The following PCDHGA8 variants were observed in gnomAD, a reference collection of about 807,000 sequenced individuals.
PCDHGA8 encodes protocadherin gamma-A8.
PCDHGA8 carries 45 observed loss-of-function variants against 59.2 expected under a neutral mutation model. That is an observed-to-expected ratio of 0.76 (90% CI 0.60 to 0.98). The LOEUF is 0.98. Among genes scored for constraint, PCDHGA8 ranks in the 50% least tolerant of loss-of-function variants. The pLI, the probability that PCDHGA8 is intolerant of heterozygous loss-of-function variation, is 0.00. For synonymous variants in PCDHGA8, 531 were observed against 519.0 expected (o/e 1.02, Z -0.32); for missense variants, 1,257 against 1,196.2 (o/e 1.05, Z -0.75).
At chr5:141,438,589 TAC>T (rs72335471) in intron 1 of PCDHGA8, among the ~76,000 whole-genome samples, 19,881 of 66,350 alleles carry the variant, frequency 0.3, 2,903 homozygotes, top group Admixed American at 0.41. Context: ...CATACATACA[TAC>T]ATATATATAT....
chr5:141,454,796 A>ATTTTTTTTTTTTTTTTTTTTTTTTTTTT (rs61612330), intron 1 of PCDHGA8, among the ~76,000 whole-genome samples: 3 of 77,456 alleles, frequency 3.9e-5, no homozygotes, highest in Admixed American at 1.8e-4. Flanking sequence ...CATGGTTCTA[A>ATTTTTTTTTTTTTTTTTTTTTTTTTTTT]TTTTTTTTTT....
In PCDHGA8 at chr5:141,461,039, C is replaced by T. The variant is rs1026091108; in HGVS notation, c.2425-33768C>T. On this transcript the variant is annotated intron_variant, in intron 1 of 3. Coordinates refer to ENST00000398604, the MANE Select transcript of PCDHGA8 (RefSeq NM_032088.2). ...ACATTTTCTTTATCCACTCATTAGT[C>T]GATGGGGACTTAGGTTGGTTTCACA... is the stretch of plus-strand genomic sequence containing the variant. 2.7e-5 allele frequency among the ~76,000 whole-genome samples: 4 copies of T among 150,906 alleles called. No homozygotes were observed. In the East Asian group the frequency reaches 7.8e-4, roughly 29 times the overall value.
At chr5:141,402,353 GA>G (rs1261209598) in intron 1 of PCDHGA8, among the ~76,000 whole-genome samples, 2 of 151,844 alleles carry the variant, frequency 1.3e-5, no homozygotes, top group Non-Finnish European at 2.9e-5. Context: ...AATTAAAAAT[GA>G]ATGTACTTCC....
In PCDHGA8 at chr5:141,487,258, G is replaced by T. The variant is rs368598017; in HGVS notation, c.2425-7549G>T. On this transcript the variant is annotated intron_variant, in intron 1 of 3. Transcript: ENST00000398604. The surrounding 1 kb of genome is among the most constrained non-coding windows in gnomAD (Gnocchi z 5.0). ...CTCGTCTAACCCTCTACTTGGCTGT[G>T]TCCCTAGTGGCAATTTGCTTTGTCT... 1.5e-4 allele frequency: 240 copies of T among 1,614,026 alleles called. 1 individual carries two copies. The highest frequency in any genetic ancestry group is 3.3e-5 in the Admixed American group (2 of 60,004).
Position 141,486,812 on chromosome 5 carries a change from A to G in PCDHGA8, c.2425-7995A>G, listed in dbSNP as rs781747283. 6.2e-7 allele frequency: 1 copy of G among 1,614,226 alleles called. No individual in the cohort carries two copies. The highest frequency in any genetic ancestry group is 8.5e-7 in the Non-Finnish European group (1 of 1,180,046). ...GGATCGGGGCAACCCACCCCTTAGC[A>G]GCACTGTAACAGTTCGTCTATTTGT... On this transcript the variant is annotated intron_variant, in intron 1 of 3. Transcript: ENST00000398604. This position sits in a 1 kb window ranked among gnomAD's most constrained non-coding sequence, Gnocchi z 5.0.
Position 141,394,531 on chromosome 5 carries a change from C to T in PCDHGA8, c.1718C>T (p.Thr573Ile), listed in dbSNP as rs1188248060. Reference protein sequence around the residue: ...LYPALPTDGSTGVELAPRSAE... With the variant: ...LYPALPTDGSIGVELAPRSAE... ...CCCGCCCTCCCCACAGACGGTTCCA[C>T]TGGCGTGGAGCTGGCGCCCCGCTCC... Residue 573 changes from threonine to isoleucine, a missense_variant, in exon 1 of 4, where the codon ACT (threonine) becomes ATT (isoleucine). Physicochemically the swap from Thr to Ile is moderately conservative, Grantham distance 89 (BLOSUM62 -1). Transcript: ENST00000398604. 3 of 1,614,224 alleles carry T rather than the reference C, an allele frequency of 1.9e-6. No homozygotes were observed. In the South Asian group the frequency reaches 3.3e-5, roughly 18 times the overall value.
At chr5:141,497,776 C>A (rs1384125562) in intron 2 of PCDHGA8, among the ~76,000 whole-genome samples, 2 of 152,170 alleles carry the variant, frequency 1.3e-5, no homozygotes. Flanking sequence ...CCGACCTCAA[C>A]TGATCCACCT....
At chr5:141,414,137 T>C in intron 1 of PCDHGA8, 1 of 1,595,618 alleles carries the variant, frequency 6.3e-7, no homozygotes, top group South Asian at 1.1e-5. Context: ...TTCTATGAAA[T>C]AGAAATACAA....
Position 141,477,203 on chromosome 5 carries a change from G to A in PCDHGA8, c.2425-17604G>A. The A allele has an allele frequency of 6.2e-7, 1 of 1,614,176 alleles. No individual in the cohort carries two copies. The highest frequency in any genetic ancestry group is 8.5e-7 in the Non-Finnish European group (1 of 1,180,050). ...CACCTCCGTGTACAGCCCAGTACCC[G>A]AGGATGCCCCTCTGGGGACTGTCAT... On this transcript the variant is annotated intron_variant, in intron 1 of 3. Coordinates refer to ENST00000398604, the MANE Select transcript of PCDHGA8 (RefSeq NM_032088.2). This position sits in a 1 kb window ranked among gnomAD's most constrained non-coding sequence, Gnocchi z 4.9.
chr5:141,431,408 G>T lies in PCDHGA8; in HGVS notation c.2424+36171G>T, dbSNP rs1270461546. On this transcript the variant is annotated intron_variant, in intron 1 of 3. Coordinates refer to ENST00000398604, the MANE Select transcript of PCDHGA8 (RefSeq NM_032088.2). The surrounding 1 kb of genome is among the most constrained non-coding windows in gnomAD (Gnocchi z 4.8). ...CCACCTGGTCCTTACGGCCTCCGAC[G>T]GGGGCGACCCGGTGCGCACAGGCAC... 4 of 1,613,600 alleles carry T rather than the reference G, an allele frequency of 2.5e-6. No individual in the cohort carries two copies. Among genetic ancestry groups the T allele is most frequent in the Non-Finnish European group, 3.4e-6 (4 of 1,180,038 alleles).
intron 1 of PCDHGA8, chr5:141,430,555 TC>T (rs1232264614): frequency 9.7e-6 from 4 of 411,788 alleles, no homozygotes; most frequent in Non-Finnish European, 1.3e-5. Flanking sequence ...TGTTCACCAA[TC>T]GGGGAGAGAA....
At chr5:141,457,537 T>A (rs967428207) in intron 1 of PCDHGA8, among the ~76,000 whole-genome samples, 2 of 152,228 alleles carry the variant, frequency 1.3e-5, no homozygotes, top group Admixed American at 6.5e-5. Flanking sequence ...TAGGGTTTAA[T>A]GACAAATGTA....
chr5:141,433,767 G>T (rs1237334342), intron 1 of PCDHGA8, among the ~76,000 whole-genome samples: 1 of 151,532 alleles, frequency 6.6e-6, no homozygotes, highest in Non-Finnish European at 1.5e-5. Flanking sequence ...AACCTGGGAG[G>T]TGGAGGTTGC....
At chr5:141,409,435 C>T in intron 1 of PCDHGA8, 2 of 1,613,994 alleles carry the variant, frequency 1.2e-6, no homozygotes, top group Non-Finnish European at 1.7e-6. Context: ...GAGCCCTGGA[C>T]CGAGAGCAGA....
At position 141,487,855 on chromosome 5, in the gene PCDHGA8, A is replaced by T; in HGVS notation, c.2425-6952A>T. 1 of 974,210 alleles carries T rather than the reference A, an allele frequency of 1.0e-6. No homozygotes were observed. 60.3% of individuals were successfully genotyped at this position (974,210 alleles called of 1,614,324 possible). A position where few individuals can be genotyped will look rare whatever the true frequency, so the allele number is the denominator to read the frequency against. On this transcript the variant is annotated intron_variant, in intron 1 of 3. Coordinates refer to ENST00000398604, the MANE Select transcript of PCDHGA8 (RefSeq NM_032088.2). This position sits in a 1 kb window ranked among gnomAD's most constrained non-coding sequence, Gnocchi z 5.0. Reference sequence around the variant, plus strand: ...TATATCTGAGTAAGAAATGAAAGTAATTGGTGATCAAGAGCCAGGCTGTTG... The same window carrying T: ...TATATCTGAGTAAGAAATGAAAGTATTTGGTGATCAAGAGCCAGGCTGTTG...
chr5:141,410,945 C>A, intron 1 of PCDHGA8: 1 of 192,458 alleles, frequency 5.2e-6, no homozygotes, highest in Non-Finnish European at 1.0e-5. Context: ...CCTCCGCCTT[C>A]TGGGTTCAAG....
At chr5:141,418,458 TG>T in intron 1 of PCDHGA8, 1 of 1,614,010 alleles carries the variant, frequency 6.2e-7, no homozygotes, top group Non-Finnish European at 8.5e-7. Flanking sequence ...CAGAAGACTC[TG>T]GACCGAGAAA....
chr5:141,403,611 C>T lies in PCDHGA8; in HGVS notation c.2424+8374C>T. ...CTCACGGCCTCGGATGGCGGCGAGCCGCGTCGCTCCAGCACAGTGCGCATC... is the reference window on the plus strand; with the variant it reads ...CTCACGGCCTCGGATGGCGGCGAGCTGCGTCGCTCCAGCACAGTGCGCATC... On this transcript the variant is annotated intron_variant, in intron 1 of 3. Transcript: ENST00000398604. 6.2e-7 allele frequency: 1 copy of T among 1,613,860 alleles called. No homozygotes were observed.
Position 141,490,820 on chromosome 5 carries a change from T to G in PCDHGA8, c.2425-3987T>G. On this transcript the variant is annotated intron_variant, in intron 1 of 3. Transcript: ENST00000398604. The surrounding 1 kb of genome is among the most constrained non-coding windows in gnomAD (Gnocchi z 5.4). ...CAGCGTACCTTTGACTATGAATTGC[T>G]GCAGATGCTGCAGATTGTGGTGGGG... 6.2e-7 allele frequency: 1 copy of G among 1,613,820 alleles called. No homozygotes were observed. Among genetic ancestry groups the G allele is most frequent in the Non-Finnish European group, 8.5e-7 (1 of 1,179,768 alleles).
Sources: gnomAD v4.1 joint callset for allele counts (sites outside exome capture counted in the v4.1 genomes callset) on GRCh38, gnomAD v4.1.1 for gene constraint, Gnocchi (gnomAD v3.1) non-coding constraint, MANE v1.5 for transcripts, NCBI Gene and HGNC (gene_info 2026-07-23, HGNC 2026-07-21) for gene names.